FCRL6: variants seen among roughly 807,000 people sequenced by gnomAD.
FCRL6 encodes the protein Fc receptor like 6, also known as Fc receptor-like protein 6.
Under a neutral mutation model 49.1 loss-of-function variants are expected in FCRL6, and 50 were observed. The observed-to-expected ratio is 1.02, with a 90% CI of 0.81 to 1.29. The LOEUF (loss-of-function observed/expected upper bound fraction) is 1.29, where lower values mean the gene tolerates loss of function less well. Among genes scored for constraint, FCRL6 ranks in the 50% most tolerant of loss-of-function variants. The pLI is 0.00. For synonymous variants in FCRL6, 213 were observed against 199.6 expected, an observed-to-expected ratio of 1.07 and a Z score of -0.57; for missense variants, 571 against 518.5, an observed-to-expected ratio of 1.10 and a Z score of -0.98.
upstream of FCRL6, chr1:159,800,516 A>G (rs1662254663): frequency 1.6e-6 from 2 of 1,282,160 alleles, no homozygotes; most frequent in Non-Finnish European, 2.2e-6. Flanking sequence ...GACTCCACAC[A>G]CCCACAGGAC....
rs757606534 is a variant in FCRL6 at position 159,809,535 on chromosome 1, G to C, written c.738G>C (p.Lys246Asn). Residue 246 changes from lysine (K) to asparagine (N), a missense_variant, in exon 5 of 10, where the codon AAG becomes AAC. Physicochemically the swap from Lys to Asn is moderately conservative, Grantham distance 94 (BLOSUM62 0). Transcript: ENST00000368106. ...TGTATTCCTTCTACCTTGATGAGAA[G>C]ATTGTGGGGAACCACTCAGCTCCCT... ...PILYSFYLDE[K>N]IVGNHSAPCG... is the part of the protein sequence containing the mutation. 8 of 1,614,216 alleles carry C rather than the reference G, an allele frequency of 5.0e-6. No individual in the cohort carries two copies. The highest frequency in any genetic ancestry group is 6.8e-6 in the Non-Finnish European group (8 of 1,180,022).
At chr1:159,804,091 CT>C (rs1243054405) in intron 1 of FCRL6, among the ~76,000 whole-genome samples, 2 of 152,264 alleles carry the variant, frequency 1.3e-5, no homozygotes, top group Admixed American at 1.3e-4. Context: ...GCCAACTTCC[CT>C]CCTACCACTG....
Position 159,808,222 on chromosome 1 carries a change from G to C in FCRL6, c.97G>C (p.Asp33His). 1 of 1,614,046 alleles carries C rather than the reference G, an allele frequency of 6.2e-7. No homozygotes were observed. Among genetic ancestry groups the C allele is most frequent in the Non-Finnish European group, 8.5e-7 (1 of 1,179,880 alleles). ...QAWPNPVFEG[D>H]ALTLRCQGWK... ...CTGGCCAAACCCTGTGTTTGAAGGAGATGCCCTGACTCTGCGATGTCAGGG... is the reference window on the plus strand; with the variant it reads ...CTGGCCAAACCCTGTGTTTGAAGGACATGCCCTGACTCTGCGATGTCAGGG... The change falls in exon 3 of 10, where the codon GAT becomes CAT. Residue 33 changes from aspartate to histidine, a missense_variant. Transcript: ENST00000368106.
In FCRL6 at chr1:159,815,851, G is replaced by T; in HGVS notation, c.*190G>T. Reference sequence around the variant, plus strand: ...TTTTCTTAGCAGAAGACCAACCAATGGAATGGGAAGGGAGATGCTCCCACC... The same window carrying T: ...TTTTCTTAGCAGAAGACCAACCAATTGAATGGGAAGGGAGATGCTCCCACC... On this transcript the variant is annotated 3_prime_UTR_variant, in exon 10 of 10. Transcript: ENST00000368106. 3.4e-6 allele frequency: 2 copies of T among 596,372 alleles called. No homozygotes were observed. The highest frequency in any genetic ancestry group is 5.8e-6 in the Non-Finnish European group (2 of 342,830). 36.9% of individuals were successfully genotyped at this position (596,372 alleles called of 1,614,324 possible). A position where few individuals can be genotyped will look rare whatever the true frequency, so the allele number is the denominator to read the frequency against.
chr1:159,800,567 T>TCCAA, upstream of FCRL6: 2 of 1,548,816 alleles, frequency 1.3e-6, no homozygotes, highest in South Asian at 2.4e-5. Flanking sequence ...GGAGATCTGT[T>TCCAA]GGAAAGAGAA....
intron 1 of FCRL6, among the ~76,000 whole-genome samples, chr1:159,802,946 T>G (rs990985668): frequency 6.6e-6 from 1 of 152,156 alleles, no homozygotes; most frequent in Non-Finnish European, 1.5e-5. Context: ...AGCCTCAGCA[T>G]TTTCTTAGAA....
chr1:159,805,608 G>A (rs1449603297), intron 1 of FCRL6, among the ~76,000 whole-genome samples: 1 of 152,074 alleles, frequency 6.6e-6, no homozygotes, highest in African/African-American at 2.4e-5. Flanking sequence ...TTGTGAGTTG[G>A]CCCCTCTTCC....
chr1:159,814,206 C>CATT lies in FCRL6; in HGVS notation c.1076-14_1076-12dup. On this transcript the variant is annotated splice_polypyrimidine_tract_variant and intron_variant, in intron 7 of 9. Coordinates refer to ENST00000368106, the MANE Select transcript of FCRL6 (RefSeq NM_001004310.3). ...AGTCAGGAGGATCCTATTTAAGCCT[C>CATT]ATTCCTTCTTCCAGTGCATCACCAG... 1 of 1,612,524 alleles carries CATT rather than the reference C, an allele frequency of 6.2e-7. No individual in the cohort carries two copies. Among genetic ancestry groups the CATT allele is most frequent in the Non-Finnish European group, 8.5e-7 (1 of 1,178,552 alleles).
At chr1:159,807,447 G>A (rs1350626454) in intron 2 of FCRL6, among the ~76,000 whole-genome samples, 1 of 152,252 alleles carries the variant, frequency 6.6e-6, no homozygotes, top group African/African-American at 2.4e-5. Context: ...GGCTCAGCCT[G>A]CCCTGCAGGT....
chr1:159,806,653 G>A (rs1350775350), intron 2 of FCRL6, 37 bp downstream of exon 2: 9 of 1,609,464 alleles, frequency 5.6e-6, no homozygotes, highest in Non-Finnish European at 7.7e-6. Flanking sequence ...TTCAAAGTAT[G>A]TCTATGGGCC....
At chr1:159,814,932 G>A (rs966330887) in intron 8 of FCRL6, among the ~76,000 whole-genome samples, 2 of 152,192 alleles carry the variant, frequency 1.3e-5, no homozygotes, top group African/African-American at 4.8e-5. Flanking sequence ...TCCTCTCTGG[G>A]CCTAATCTGC....
chr1:159,815,577 C>T lies in FCRL6; in HGVS notation c.1221C>T (p.Pro407=), dbSNP rs766523180. 6.2e-7 allele frequency: 1 copy of T among 1,614,138 alleles called. No individual in the cohort carries two copies. Among genetic ancestry groups the T allele is most frequent in the Non-Finnish European group, 8.5e-7 (1 of 1,180,008 alleles). Residue 407 remains proline, a synonymous_variant, in exon 10 of 10, where the codon CCC becomes CCT. Transcript: ENST00000368106. ...GTGCGGAGGTGAGATGCCTGCAGCC[C>T]AGTGAGGTTTCATCCACGGAGGTGA... The part of the protein sequence containing the change: ...IICAEVRCLQ[P]SEVSSTEVNM...
intron 1 of FCRL6, 73 bp downstream of exon 1, chr1:159,802,528 C>A: frequency 7.5e-7 from 1 of 1,340,434 alleles, no homozygotes; most frequent in East Asian, 2.4e-5. Context: ...CACCAAGTTC[C>A]TCATCTTACC....
chr1:159,813,454 G>A, intron 6 of FCRL6, 35 bp from the exon 7 acceptor site: 2 of 1,588,954 alleles, frequency 1.3e-6, no homozygotes, highest in Non-Finnish European at 1.7e-6. Context: ...GCCCTCTAAG[G>A]GACACCCAGT....
At chr1:159,803,806 C>A (rs1662495739) in intron 1 of FCRL6, among the ~76,000 whole-genome samples, 1 of 152,178 alleles carries the variant, frequency 6.6e-6, no homozygotes, top group African/African-American at 2.4e-5. Flanking sequence ...TTTGGTCCCA[C>A]TTGATGCTCA....
chr1:159,808,802 T>C (rs1044623995), intron 3 of FCRL6, 159 bp from the exon 4 acceptor site: 20 of 713,350 alleles, frequency 2.8e-5, no homozygotes, highest in East Asian at 5.5e-5. Context: ...CATTTCAGAG[T>C]TTGTGGGTGA....
At position 159,814,274 on chromosome 1, in the gene FCRL6, AC is replaced by A; in HGVS notation, c.1131del (p.Ser378GlnfsTer25). The part of the protein sequence containing the change: ...EGVVYSVVHR[T>X]SKRSEARSAE... ...TGTTGTCTACTCTGTGGTGCATAGA[AC>A]CTCAAAGAGGAGTGAAGGTGAGTGA... On this transcript the variant is annotated frameshift_variant, in exon 8 of 10. Transcript: ENST00000368106. LOFTEE classifies it low-confidence loss of function (END_TRUNC). 6.2e-7 allele frequency: 1 copy of A among 1,614,146 alleles called. No individual in the cohort carries two copies. Among genetic ancestry groups the A allele is most frequent in the Non-Finnish European group, 8.5e-7 (1 of 1,179,994 alleles).
At chr1:159,814,347 C>A in intron 8 of FCRL6, 55 bp downstream of exon 8, 3 of 1,337,644 alleles carry the variant, frequency 2.2e-6, no homozygotes, top group Admixed American at 1.7e-5. Flanking sequence ...TTTGGACCTA[C>A]AATGAGAGTA....
chr1:159,802,577 C>G, intron 1 of FCRL6, 122 bp downstream of exon 1: 1 of 853,154 alleles, frequency 1.2e-6, no homozygotes, highest in Non-Finnish European at 1.9e-6. Flanking sequence ...GAGCTCAAGA[C>G]AGGTGTGTGC....
Sources: allele counts gnomAD v4.1 joint callset (sites outside exome capture counted in the v4.1 genomes callset), GRCh38; gene constraint gnomAD v4.1.1; transcripts MANE v1.5; gene names NCBI Gene and HGNC (gene_info 2026-07-23, HGNC 2026-07-21).